Variants in SMYD3 observed in about 807,000 individuals in gnomAD.
SMYD3 encodes histone-lysine N-methyltransferase SMYD3.
A neutral mutation model predicts 57.7 loss-of-function variants in SMYD3; 36 were observed. The observed-to-expected ratio is 0.62, with a 90% CI of 0.48 to 0.82. SMYD3 has a LOEUF of 0.82. Ranked by LOEUF, SMYD3 falls within the 40% of genes least tolerant of loss-of-function variation. The pLI, the probability that SMYD3 is intolerant of heterozygous loss-of-function variation, is 0.00. For synonymous variants in SMYD3, 211 were observed against 195.0 expected (o/e 1.08, Z -0.68); for missense variants, 515 against 538.8 (o/e 0.96, Z 0.44).
intron 5 of SMYD3, among the ~76,000 whole-genome samples, chr1:246,211,913 T>TAA (rs76595728): frequency 6.1e-4 from 88 of 144,100 alleles, no homozygotes; most frequent in African/African-American, 1.8e-3. Flanking sequence ...AAGATTGTGG[T>TAA]AAAAAAAAAA....
At chr1:245,750,501 C>A (rs1365939427) in intron 11 of SMYD3, among the ~76,000 whole-genome samples, 5 of 152,174 alleles carry the variant, frequency 3.3e-5, no homozygotes, top group Admixed American at 3.3e-4. Context: ...ACTGCCAGAT[C>A]TGTCTTCCCA....
intron 10 of SMYD3, among the ~76,000 whole-genome samples, chr1:245,803,221 C>G (rs184882817): frequency 6.6e-6 from 1 of 152,186 alleles, no homozygotes; most frequent in East Asian, 1.9e-4. Flanking sequence ...AATGGCTTGC[C>G]GTATGTGCAA....
At chr1:246,083,758 A>G (rs939061752) in intron 5 of SMYD3, among the ~76,000 whole-genome samples, 2 of 152,164 alleles carry the variant, frequency 1.3e-5, no homozygotes, top group African/African-American at 2.4e-5. Flanking sequence ...AGTCAAAACT[A>G]TGAGCCCTTT....
intron 1 of SMYD3, among the ~76,000 whole-genome samples, chr1:246,494,736 T>C (rs1478151100): frequency 6.6e-6 from 1 of 152,224 alleles, no homozygotes; most frequent in African/African-American, 2.4e-5. Flanking sequence ...AAGGATTAAA[T>C]TTTTATATAC....
chr1:246,330,528 C>A lies in SMYD3; in HGVS notation c.346G>T (p.Ala116Ser). ...TAAAGCTTCTCTGATTCTGAAGGTG[C>A]TCCATCCATCTGTGAAGGAAAAGGG... ...GRVVFKLMDG[A>S]PSESEKLYSF... The change falls in exon 4 of 12, where the codon GCA becomes TCA. Residue 116 changes from alanine to serine, a missense_variant. Coordinates refer to ENST00000490107, the MANE Select transcript of SMYD3 (RefSeq NM_001167740.2). 1 of 1,592,566 alleles carries A rather than the reference C, an allele frequency of 6.3e-7. No individual in the cohort carries two copies. The highest frequency in any genetic ancestry group is 8.5e-7 in the Non-Finnish European group (1 of 1,170,936).
intron 5 of SMYD3, among the ~76,000 whole-genome samples, chr1:246,234,619 T>TGAATATATACCATATA (rs1572254287): frequency 6.6e-6 from 1 of 152,276 alleles, no homozygotes; most frequent in African/African-American, 2.4e-5. Context: ...CACACTGTGA[T>TGAATATATACCATATA]GGCTATTGGC....
chr1:246,262,626 G>A (rs2064032268), intron 5 of SMYD3, among the ~76,000 whole-genome samples: 1 of 152,062 alleles, frequency 6.6e-6, no homozygotes, highest in Non-Finnish European at 1.5e-5. Context: ...GCTTGGCACA[G>A]CGTCTACCAT....
At chr1:245,884,115 A>G (rs1373239564) in intron 8 of SMYD3, among the ~76,000 whole-genome samples, 1 of 152,222 alleles carries the variant, frequency 6.6e-6, no homozygotes, top group Non-Finnish European at 1.5e-5. Context: ...AGACCTGTAC[A>G]AAACAAATGC....
intron 5 of SMYD3, among the ~76,000 whole-genome samples, chr1:246,141,355 C>T (rs1185080115): frequency 1.3e-5 from 2 of 152,046 alleles, no homozygotes; most frequent in East Asian, 1.9e-4. Flanking sequence ...TTGAACAGGG[C>T]GACAGGATAC....
chr1:246,200,888 C>G (rs1483068802), intron 5 of SMYD3, among the ~76,000 whole-genome samples: 1 of 152,044 alleles, frequency 6.6e-6, no homozygotes, highest in African/African-American at 2.4e-5. Flanking sequence ...CCTCTTCTAC[C>G]TCCCAACCAA....
At position 246,059,118 on chromosome 1, in the gene SMYD3, C is replaced by T. The variant is rs538943463; in HGVS notation, c.532-129181G>A. On this transcript the variant is annotated intron_variant, in intron 5 of 11. Transcript: ENST00000490107. ...GTCTCAATCTCCTGACCTTGTGATC[C>T]GCCTGCCTCGGCCTCCCAAAGTGCT... Among the ~76,000 whole-genome samples the T allele has an allele frequency of 9.7e-4, 147 of 152,234 alleles. 1 individual carries two copies. Among genetic ancestry groups the T allele is most frequent in the African/African-American group, 3.2e-3 (133 of 41,542 alleles).
intron 5 of SMYD3, among the ~76,000 whole-genome samples, chr1:246,200,901 A>G (rs1163913644): frequency 1.3e-5 from 2 of 152,178 alleles, no homozygotes; most frequent in African/African-American, 4.8e-5. Context: ...CCAACCAAAA[A>G]AAAAGTTTCT....
intron 1 of SMYD3, among the ~76,000 whole-genome samples, chr1:246,361,562 A>G (rs1241856272): frequency 6.6e-6 from 1 of 152,214 alleles, no homozygotes; most frequent in African/African-American, 2.4e-5. Flanking sequence ...ATCAGTCAAC[A>G]AATGGATAAA....
chr1:245,946,292 G>A (rs2057426444), intron 5 of SMYD3, among the ~76,000 whole-genome samples: 1 of 152,138 alleles, frequency 6.6e-6, no homozygotes, highest in South Asian at 2.1e-4. Flanking sequence ...AAACTTACTT[G>A]TCCTCAAAGC....
chr1:245,815,903 C>T (rs1244794339), intron 10 of SMYD3, among the ~76,000 whole-genome samples: 1 of 152,158 alleles, frequency 6.6e-6, no homozygotes, highest in Non-Finnish European at 1.5e-5. Flanking sequence ...TTCCAAAGCC[C>T]ATGATCCTTC....
intron 5 of SMYD3, among the ~76,000 whole-genome samples, chr1:246,031,737 G>GAAAA (rs66497634): frequency 1.1e-3 from 151 of 136,816 alleles, no homozygotes; most frequent in African/African-American, 3.8e-3. Context: ...ACTTTGTCTC[G>GAAAA]AAAAAAAAAA....
chr1:245,833,871 T>G (rs2049977600), intron 10 of SMYD3, among the ~76,000 whole-genome samples: 2 of 152,264 alleles, frequency 1.3e-5, no homozygotes, highest in Admixed American at 6.5e-5. Flanking sequence ...TTGCACCCCA[T>G]GCACCTCATT....
Position 246,128,246 on chromosome 1 carries a change from C to T in SMYD3, c.532-198309G>A, listed in dbSNP as rs532760665. On this transcript the variant is annotated intron_variant, in intron 5 of 11. Transcript: ENST00000490107. ...GCACTCCTCCTCCCCATCTCTATTACGATGTTCAGTTTTATTTCATAGCTC... is the reference window on the plus strand; with the variant it reads ...GCACTCCTCCTCCCCATCTCTATTATGATGTTCAGTTTTATTTCATAGCTC... 1.4e-3 allele frequency among the ~76,000 whole-genome samples: 213 copies of T among 152,280 alleles called. 1 individual carries two copies. Among genetic ancestry groups the T allele is most frequent in the African/African-American group, 4.5e-3 (189 of 41,546 alleles).
At chr1:246,400,323 T>G (rs553548592) in intron 1 of SMYD3, among the ~76,000 whole-genome samples, 136 of 152,366 alleles carry the variant, frequency 8.9e-4, no homozygotes, top group Non-Finnish European at 1.0e-3. Flanking sequence ...GTATATTAAG[T>G]GCCTTTTACA....
Sources: allele counts gnomAD v4.1 joint callset (sites outside exome capture counted in the v4.1 genomes callset), GRCh38; gene constraint gnomAD v4.1.1; transcripts MANE v1.5; gene names NCBI Gene and HGNC (gene_info 2026-07-23, HGNC 2026-07-21).